AK8: variants seen among roughly 807,000 people sequenced by gnomAD.
AK8 encodes adenylate kinase 8.
Under a neutral mutation model 54.6 loss-of-function variants are expected in AK8, and 44 were observed. The observed-to-expected ratio is 0.81, with a 90% CI of 0.63 to 1.04. AK8 has a LOEUF of 1.04. AK8 is among the 50% of genes least tolerant of loss of function. AK8 has a pLI of 0.00. For missense variants in AK8, 555 were observed against 613.6 expected (o/e 0.90, Z 1.01); for synonymous variants, 239 against 245.6 (o/e 0.97, Z 0.25).
chr9:132,778,910 C>A (rs909553682), intron 11 of AK8, among the ~76,000 whole-genome samples: 6 of 149,094 alleles, frequency 4.0e-5, no homozygotes, highest in South Asian at 4.2e-4. Flanking sequence ...CGATGGGGTC[C>A]TGAACAAAAG....
chr9:132,859,371 G>C (rs1386357603), intron 4 of AK8, among the ~76,000 whole-genome samples: 1 of 152,030 alleles, frequency 6.6e-6, no homozygotes, highest in Non-Finnish European at 1.5e-5. Context: ...CAGGCAGCAG[G>C]GACTACAGGC....
chr9:132,761,355 C>A (rs1358043586), intron 11 of AK8, among the ~76,000 whole-genome samples: 1 of 151,172 alleles, frequency 6.6e-6, no homozygotes, highest in African/African-American at 2.4e-5. Context: ...CTCTGCCTCC[C>A]GGGTTCAAGC....
chr9:132,749,770 C>G (rs2131008721), intron 11 of AK8, among the ~76,000 whole-genome samples: 1 of 151,654 alleles, frequency 6.6e-6, no homozygotes, highest in East Asian at 1.9e-4. Flanking sequence ...TATGAAAATC[C>G]TCTTGCAGGG....
intron 11 of AK8, chr9:132,769,491 G>A (rs542244848): frequency 3.3e-5 from 5 of 152,290 alleles, no homozygotes; most frequent in South Asian, 2.1e-4. Context: ...GGCAGGAGGA[G>A]CGCAGTCACT....
intron 5 of AK8, among the ~76,000 whole-genome samples, chr9:132,853,226 C>T (rs1191854002): frequency 1.3e-5 from 2 of 151,326 alleles, no homozygotes; most frequent in Non-Finnish European, 2.9e-5. Context: ...GGCATGGTGA[C>T]GCATGCCTGT....
intron 9 of AK8, 88 bp downstream of exon 9, chr9:132,823,117 A>AC: frequency 2.0e-6 from 3 of 1,463,600 alleles, no homozygotes; most frequent in Non-Finnish European, 2.7e-6. Flanking sequence ...CCCCAACACC[A>AC]CCCCCCATAA....
Position 132,803,165 on chromosome 9 carries a change from GGTAAC to G in AK8, c.980-10395_980-10391del. Reference sequence around the variant, plus strand: ...CTCACTATCACGAGAACAGCATGGAGGTAACCACCCCCAAGATTCAATTACCTCCC... The same window carrying G: ...CTCACTATCACGAGAACAGCATGGAGCACCCCCAAGATTCAATTACCTCCC... On this transcript the variant is annotated intron_variant, in intron 10 of 12. Transcript: ENST00000298545. This position sits in a 1 kb window ranked among gnomAD's most constrained non-coding sequence, Gnocchi z 4.4. Among the ~76,000 whole-genome samples the G allele has an allele frequency of 6.6e-6, 1 of 152,256 alleles. No individual in the cohort carries two copies. The highest frequency in any genetic ancestry group is 2.4e-5 in the African/African-American group (1 of 41,550).
chr9:132,875,546 G>A (rs1844056323), intron 1 of AK8, among the ~76,000 whole-genome samples: 1 of 152,226 alleles, frequency 6.6e-6, no homozygotes, highest in Non-Finnish European at 1.5e-5. Flanking sequence ...CAGAGCCTTA[G>A]CAGATGCTGT....
At chr9:132,805,945 G>C (rs931396648) in intron 10 of AK8, among the ~76,000 whole-genome samples, 3 of 152,036 alleles carry the variant, frequency 2.0e-5, no homozygotes, top group African/African-American at 7.2e-5. Context: ...ATAAATTACA[G>C]GGGGCATCCA....
intron 11 of AK8, among the ~76,000 whole-genome samples, chr9:132,731,823 C>T (rs1317783485): frequency 6.6e-6 from 1 of 152,032 alleles, no homozygotes; most frequent in African/African-American, 2.4e-5. Flanking sequence ...TCCCTTGAGC[C>T]CAGGAGTTCA....
rs1026585077 is a variant in AK8, at chr9:132,799,171, G to A, written c.980-6396C>T. Among the ~76,000 whole-genome samples the A allele has an allele frequency of 9.9e-5, 15 of 152,246 alleles. No individual in the cohort carries two copies. In the East Asian group the frequency reaches 1.2e-3, roughly 12 times the overall value. On this transcript the variant is annotated intron_variant, in intron 10 of 12. Coordinates refer to ENST00000298545, the MANE Select transcript of AK8 (RefSeq NM_152572.3). The surrounding 1 kb of genome is among the most constrained non-coding windows in gnomAD (Gnocchi z 5.0). ...GAGGCCCCTCCTGCTGCGCCACGCC[G>A]CCGCCTGCTGTCCGCACCGCAGAGC...
chr9:132,765,815 T>C (rs1479302245), intron 11 of AK8, among the ~76,000 whole-genome samples: 1 of 152,178 alleles, frequency 6.6e-6, no homozygotes, highest in African/African-American at 2.4e-5. Context: ...TCTTATTCAA[T>C]ACATTACTGT....
At position 132,814,629 on chromosome 9, in the gene AK8, G is replaced by A. The variant is rs1243725412; in HGVS notation, c.979+9C>T. On this transcript the variant is annotated intron_variant, in intron 10 of 12. Coordinates refer to ENST00000298545, the MANE Select transcript of AK8 (RefSeq NM_152572.3). ...TAAGGTCATGACAGTTAGTGGGAACGTGGCCTACCTGCCATCTCCTTTTCA... is the reference window on the plus strand; with the variant it reads ...TAAGGTCATGACAGTTAGTGGGAACATGGCCTACCTGCCATCTCCTTTTCA... 1.6e-5 allele frequency: 26 copies of A among 1,613,088 alleles called. No homozygotes were observed. The highest frequency in any genetic ancestry group is 2.0e-5 in the Non-Finnish European group (24 of 1,179,452).
chr9:132,791,336 G>A lies in AK8; in HGVS notation c.1121+1298C>T, dbSNP rs181159214. 3.2e-4 allele frequency among the ~76,000 whole-genome samples: 49 copies of A among 152,218 alleles called. No individual in the cohort carries two copies. The highest frequency in any genetic ancestry group is 1.2e-3 in the African/African-American group (48 of 41,544). ...ATGGAGGAAACCGCCCCCATGATCC[G>A]ATCACCTCTCACCAGGTCCCTCCCT... is the stretch of plus-strand genomic sequence containing the variant. On this transcript the variant is annotated intron_variant, in intron 11 of 12. Transcript: ENST00000298545. This position sits in a 1 kb window ranked among gnomAD's most constrained non-coding sequence, Gnocchi z 4.0.
chr9:132,831,625 C>T lies in AK8; in HGVS notation c.403-2899G>A, dbSNP rs145049365. Among the ~76,000 whole-genome samples the T allele has an allele frequency of 2.7e-3, 414 of 152,352 alleles. 3 individuals are homozygous for T. Among genetic ancestry groups the T allele is most frequent in the Middle Eastern group, 0.014 (4 of 294 alleles). On this transcript the variant is annotated intron_variant, in intron 5 of 12. Coordinates refer to ENST00000298545, the MANE Select transcript of AK8 (RefSeq NM_152572.3). ...GCTGTAGAGCCCTCCCTCTCAGCCA[C>T]TGGGAGACTCAGTTGCTCTAAGGTC...
rs560148860 is a variant in AK8, at chr9:132,807,108, A to G, written c.979+7530T>C. Among the ~76,000 whole-genome samples, 4 of 152,146 alleles carry G rather than the reference A, an allele frequency of 2.6e-5. No individual in the cohort carries two copies. The South Asian group carries it at 8.3e-4, about 32-fold the overall frequency. ...TAAATAGCTGTCTTCCCTCCTGACA[A>G]TAAGAAAGGAATATGTCTGGTATGT... On this transcript the variant is annotated intron_variant, in intron 10 of 12. Transcript: ENST00000298545.
intron 11 of AK8, among the ~76,000 whole-genome samples, chr9:132,745,161 C>A (rs372639689): frequency 6.6e-6 from 1 of 152,182 alleles, no homozygotes; most frequent in Non-Finnish European, 1.5e-5. Context: ...GAGCGAGATA[C>A]GCTTTACGGT....
At chr9:132,838,443 G>T (rs190424441) in intron 5 of AK8, among the ~76,000 whole-genome samples, 1 of 152,248 alleles carries the variant, frequency 6.6e-6, no homozygotes, top group African/African-American at 2.4e-5. Context: ...AACACCCCCG[G>T]CCAGTACAGT....
intron 11 of AK8, among the ~76,000 whole-genome samples, chr9:132,760,480 G>T (rs566878542): frequency 1.3e-5 from 2 of 152,114 alleles, no homozygotes; most frequent in Non-Finnish European, 2.9e-5. Flanking sequence ...AAACTATTAT[G>T]TACTCCATAA....
Sources: allele counts gnomAD v4.1 joint callset (sites outside exome capture counted in the v4.1 genomes callset), GRCh38; gene constraint gnomAD v4.1.1; non-coding constraint Gnocchi (gnomAD v3.1); transcripts MANE v1.5; gene names NCBI Gene and HGNC (gene_info 2026-07-23, HGNC 2026-07-21).